The following PIEZO2 variants were observed in gnomAD, a reference collection of about 807,000 sequenced individuals.
The protein encoded by PIEZO2 is piezo type mechanosensitive ion channel component 2, also known as piezo-type mechanosensitive ion channel component 2.
In PIEZO2, 172 loss-of-function variants were observed where a neutral mutation model predicts 337.3. That is an observed-to-expected ratio of 0.51 (90% CI 0.45 to 0.58). The LOEUF (loss-of-function observed/expected upper bound fraction) is 0.58, where lower values mean the gene tolerates loss of function less well. Ranked by LOEUF, PIEZO2 falls within the 20% of genes least tolerant of loss-of-function variation. The pLI, the probability that PIEZO2 is intolerant of heterozygous loss-of-function variation, is 0.00. For missense variants in PIEZO2, 3,028 were observed against 3,391.3 expected, an observed-to-expected ratio of 0.89 and a Z score of 2.66; for synonymous variants, 1,251 against 1,228.5, an observed-to-expected ratio of 1.02 and a Z score of -0.38.
rs902483817 is a variant in PIEZO2, at chr18:10,973,177, C to T, written c.286+6358G>A. Among the ~76,000 whole-genome samples the T allele has an allele frequency of 3.9e-5, 6 of 152,162 alleles. No individual in the cohort carries two copies. The highest frequency in any genetic ancestry group is 7.2e-5 in the African/African-American group (3 of 41,408). Reference sequence around the variant, plus strand: ...TACTAAAGGTGAATCAAAATATCAACACGGCATTGGCCTAAGGGTTGTTCA... The same window carrying T: ...TACTAAAGGTGAATCAAAATATCAATACGGCATTGGCCTAAGGGTTGTTCA... On this transcript the variant is annotated intron_variant, in intron 3 of 55. Coordinates refer to ENST00000674853, the MANE Select transcript of PIEZO2 (RefSeq NM_001378183.1). The surrounding 1 kb of genome is among the most constrained non-coding windows in gnomAD (Gnocchi z 4.9).
intron 1 of PIEZO2, among the ~76,000 whole-genome samples, chr18:11,066,472 A>T (rs1325794802): frequency 3.3e-5 from 5 of 152,252 alleles, no homozygotes; most frequent in African/African-American, 1.2e-4. Context: ...AGAAATCTGA[A>T]GGTAAAAGAC....
At chr18:10,999,650 G>A (rs1433445576) in intron 2 of PIEZO2, among the ~76,000 whole-genome samples, 1 of 152,014 alleles carries the variant, frequency 6.6e-6, no homozygotes, top group Admixed American at 6.6e-5. Flanking sequence ...AGCATCTTGG[G>A]GGATACTGGA....
At chr18:11,142,286 A>G (rs952493306) in intron 1 of PIEZO2, among the ~76,000 whole-genome samples, 8 of 152,142 alleles carry the variant, frequency 5.3e-5, no homozygotes, top group Non-Finnish European at 1.0e-4. Flanking sequence ...AATTTAGCTA[A>G]ATTTTCTATG....
chr18:11,094,563 G>A lies in PIEZO2; in HGVS notation c.65-28341C>T, dbSNP rs2039207013. Among the ~76,000 whole-genome samples, 1 of 152,144 alleles carries A rather than the reference G, an allele frequency of 6.6e-6. No individual in the cohort carries two copies. The highest frequency in any genetic ancestry group is 1.5e-5 in the Non-Finnish European group (1 of 68,032). ...AGCAGTCGCTAATTAATAAGTGCAG[G>A]CACTCAGAAGCCTCGCTGTCCCCTC... On this transcript the variant is annotated intron_variant, in intron 1 of 55. Coordinates refer to ENST00000674853, the MANE Select transcript of PIEZO2 (RefSeq NM_001378183.1). This position sits in a 1 kb window ranked among gnomAD's most constrained non-coding sequence, Gnocchi z 4.4.
At chr18:10,722,413 G>T (rs1033074338) in intron 36 of PIEZO2, among the ~76,000 whole-genome samples, 3 of 151,814 alleles carry the variant, frequency 2.0e-5, no homozygotes, top group South Asian at 2.1e-4. Context: ...TGTATTTTTA[G>T]TAGAGACAGG....
At chr18:10,858,245 C>T (rs527535206) in intron 5 of PIEZO2, among the ~76,000 whole-genome samples, 1 of 141,778 alleles carries the variant, frequency 7.1e-6, no homozygotes, top group East Asian at 2.1e-4. Flanking sequence ...ATTGCTTGAA[C>T]CTGGGAGGCG....
chr18:10,864,260 AC>A (rs2041950150), intron 5 of PIEZO2, among the ~76,000 whole-genome samples: 1 of 152,118 alleles, frequency 6.6e-6, no homozygotes, highest in Admixed American at 6.5e-5. Context: ...CACTTTTTTA[AC>A]CAAGACTGGG....
rs1162293065 is a variant in PIEZO2, at chr18:10,962,386, A to G, written c.286+17149T>C. Reference sequence around the variant, plus strand: ...CTCACAACTGGCATTTTCCTTCCACACTTTCTCAATTGTCCCTTAACACTC... The same window carrying G: ...CTCACAACTGGCATTTTCCTTCCACGCTTTCTCAATTGTCCCTTAACACTC... On this transcript the variant is annotated intron_variant, in intron 3 of 55. Transcript: ENST00000674853. This position sits in a 1 kb window ranked among gnomAD's most constrained non-coding sequence, Gnocchi z 4.1. Among the ~76,000 whole-genome samples, 2 of 151,748 alleles carry G rather than the reference A, an allele frequency of 1.3e-5. No homozygotes were observed. The highest frequency in any genetic ancestry group is 3.9e-4 in the East Asian group (2 of 5,144).
rs1180193811 is a variant in PIEZO2, at chr18:11,021,160, G to A, written c.161-41500C>T. Among the ~76,000 whole-genome samples the A allele has an allele frequency of 6.6e-6, 1 of 152,064 alleles. No homozygotes were observed. Among genetic ancestry groups the A allele is most frequent in the Non-Finnish European group, 1.5e-5 (1 of 68,012 alleles). On this transcript the variant is annotated intron_variant, in intron 2 of 55. Coordinates refer to ENST00000674853, the MANE Select transcript of PIEZO2 (RefSeq NM_001378183.1). The surrounding 1 kb of genome is among the most constrained non-coding windows in gnomAD (Gnocchi z 4.7). ...CCGTTACATCATGAAAGAAACTCTA[G>A]TCATCTCCACCGGTTCTCCAAACCA...
intron 1 of PIEZO2, among the ~76,000 whole-genome samples, chr18:11,141,535 A>G (rs929557917): frequency 1.3e-5 from 2 of 152,216 alleles, no homozygotes; most frequent in African/African-American, 4.8e-5. Context: ...ATGTGGACCG[A>G]GATGAAAACT....
intron 1 of PIEZO2, among the ~76,000 whole-genome samples, chr18:11,088,822 G>C (rs1168512130): frequency 1.3e-5 from 2 of 152,152 alleles, no homozygotes; most frequent in African/African-American, 2.4e-5. Context: ...ACCCATACAG[G>C]CCAGCCTCAT....
At chr18:10,922,499 G>A (rs1260623492) in intron 3 of PIEZO2, among the ~76,000 whole-genome samples, 3 of 152,256 alleles carry the variant, frequency 2.0e-5, no homozygotes, top group East Asian at 1.9e-4. Context: ...AAACTGAAGG[G>A]TAGGAACCAG....
rs2038411812 is a variant in PIEZO2 at position 10,767,487 on chromosome 18, G to T, written c.2946+2661C>A. Among the ~76,000 whole-genome samples the T allele has an allele frequency of 6.6e-6, 1 of 150,882 alleles. No homozygotes were observed. The highest frequency in any genetic ancestry group is 2.1e-4 in the South Asian group (1 of 4,770). ...ATCCTGCCTGTCCCCCAAGCCCCCA[G>T]TGCCAAGATGATGGGGCAGGTGGGG... On this transcript the variant is annotated intron_variant, in intron 21 of 55. Coordinates refer to ENST00000674853, the MANE Select transcript of PIEZO2 (RefSeq NM_001378183.1). This position sits in a 1 kb window ranked among gnomAD's most constrained non-coding sequence, Gnocchi z 4.2.
chr18:10,769,404 A>G (rs2038501479), intron 21 of PIEZO2, among the ~76,000 whole-genome samples: 4 of 152,202 alleles, frequency 2.6e-5, no homozygotes, highest in Admixed American at 2.6e-4. Flanking sequence ...TCTCTTAGCT[A>G]CCTATTTGTG....
chr18:10,727,027 G>C lies in PIEZO2; in HGVS notation c.5029+4380C>G, dbSNP rs1598405993. On this transcript the variant is annotated intron_variant, in intron 36 of 55. Coordinates refer to ENST00000674853, the MANE Select transcript of PIEZO2 (RefSeq NM_001378183.1). This position sits in a 1 kb window ranked among gnomAD's most constrained non-coding sequence, Gnocchi z 6.3. Reference sequence around the variant, plus strand: ...GAAGCTGTTTGCTCTGTGCTTCCACGGTCTGGGTGTTTCTTGGGGGGTGTT... The same window carrying C: ...GAAGCTGTTTGCTCTGTGCTTCCACCGTCTGGGTGTTTCTTGGGGGGTGTT... 1.4e-6 allele frequency: 1 copy of C among 738,104 alleles called. No homozygotes were observed. Among genetic ancestry groups the C allele is most frequent in the Non-Finnish European group, 2.1e-6 (1 of 475,742 alleles). 45.7% of individuals were successfully genotyped at this position (738,104 alleles called of 1,614,324 possible). A position where few individuals can be genotyped will look rare whatever the true frequency, so the allele number is the denominator to read the frequency against.
intron 1 of PIEZO2, among the ~76,000 whole-genome samples, chr18:11,091,956 C>T (rs568657749): frequency 3.9e-5 from 6 of 152,264 alleles, no homozygotes; most frequent in African/African-American, 7.2e-5. Context: ...TCCTGCCACA[C>T]GAGTCAGTAA....
chr18:10,694,622 G>A (rs1437872768), intron 47 of PIEZO2, among the ~76,000 whole-genome samples: 2 of 152,146 alleles, frequency 1.3e-5, no homozygotes, highest in African/African-American at 4.8e-5. Context: ...CTTGAGTCCA[G>A]GCCTCTGAGA....
chr18:10,956,918 G>A (rs9807197), intron 3 of PIEZO2, among the ~76,000 whole-genome samples: 10,745 of 146,710 alleles, frequency 0.073, 861 homozygotes, highest in African/African-American at 0.21. Context: ...GCAGTGAGCC[G>A]AGATCACACC....
At position 11,099,604 on chromosome 18, in the gene PIEZO2, T is replaced by A. The variant is rs1773461420; in HGVS notation, c.65-33382A>T. ...GCCTTAGCCTCCCGAGTAGCGGGGA[T>A]CACAGGTGCCTGCCACCATGCCTAG... On this transcript the variant is annotated intron_variant, in intron 1 of 55. Transcript: ENST00000674853. This position sits in a 1 kb window ranked among gnomAD's most constrained non-coding sequence, Gnocchi z 5.4. 6.6e-6 allele frequency among the ~76,000 whole-genome samples: 1 copy of A among 152,164 alleles called. No individual in the cohort carries two copies. Among genetic ancestry groups the A allele is most frequent in the Non-Finnish European group, 1.5e-5 (1 of 68,020 alleles).
Sources: gnomAD v4.1 joint callset for allele counts (sites outside exome capture counted in the v4.1 genomes callset) on GRCh38, gnomAD v4.1.1 for gene constraint, Gnocchi (gnomAD v3.1) non-coding constraint, MANE v1.5 for transcripts, NCBI Gene and HGNC (gene_info 2026-07-23, HGNC 2026-07-21) for gene names.